KAZN: variants seen among roughly 807,000 people sequenced by gnomAD.
The protein encoded by KAZN is kazrin, periplakin interacting protein, also known as kazrin.
In KAZN, 40 loss-of-function variants were observed where a neutral mutation model predicts 87.4. The ratio of observed to expected loss-of-function variants is 0.46; its 90% CI spans 0.36 to 0.60. The LOEUF is 0.60. KAZN is among the 20% of genes least tolerant of loss of function. The pLI is 0.00. For synonymous variants in KAZN, 466 were observed against 458.3 expected (o/e 1.02, Z -0.22); for missense variants, 898 against 1,073.9 (o/e 0.84, Z 2.29).
Position 14,195,353 on chromosome 1 carries a change from G to A in KAZN, c.249+14761G>A, listed in dbSNP as rs115827150. ...CTCCGATACCTCCTCTTCATTCTGC[G>A]TTGCTGATAGCTTTTTCTCTATGTC... On this transcript the variant is annotated intron_variant, in intron 2 of 16. Transcript: ENST00000636203. Among the ~76,000 whole-genome samples, 468 of 152,002 alleles carry A rather than the reference G, an allele frequency of 3.1e-3. 3 individuals are homozygous for A. The highest frequency in any genetic ancestry group is 0.011 in the African/African-American group (440 of 41,446).
At chr1:14,606,745 A>C (rs369272557) in intron 1 of KAZN, among the ~76,000 whole-genome samples, 27 of 152,250 alleles carry the variant, frequency 1.8e-4, no homozygotes, top group Admixed American at 3.9e-4. Context: ...TGACATGTGG[A>C]GCAGATAATT....
In KAZN at chr1:14,051,147, C is replaced by T. The variant is rs527438775; in HGVS notation, c.92-129288C>T. Among the ~76,000 whole-genome samples, 3 of 152,234 alleles carry T rather than the reference C, an allele frequency of 2.0e-5. No individual in the cohort carries two copies. The South Asian group carries it at 6.2e-4, about 32-fold the overall frequency. On this transcript the variant is annotated intron_variant, in intron 1 of 16. Transcript: ENST00000636203. ...AAAATTTCTAAGGGGAGGCATCAAG[C>T]GTCATAGAATTCTTGCTGAACTGAC...
At chr1:14,050,173 T>C (rs56234446) in intron 1 of KAZN, among the ~76,000 whole-genome samples, 23,655 of 151,124 alleles carry the variant, frequency 0.16, 2,172 homozygotes, top group Non-Finnish European at 0.22. Flanking sequence ...TGTGTGGGTG[T>C]GTGCGCACAT....
chr1:14,919,392 G>T (rs1480943281), intron 1 of KAZN, among the ~76,000 whole-genome samples: 1 of 152,206 alleles, frequency 6.6e-6, no homozygotes, highest in Non-Finnish European at 1.5e-5. Flanking sequence ...GGCCAGGCTG[G>T]TCTCGAACGC....
At position 13,970,479 on chromosome 1, in the gene KAZN, T is replaced by C. The variant is rs199794001; in HGVS notation, c.91+76723T>C. Among the ~76,000 whole-genome samples, 3 of 151,996 alleles carry C rather than the reference T, an allele frequency of 2.0e-5. No homozygotes were observed. The East Asian group carries it at 5.8e-4, about 29-fold the overall frequency. On this transcript the variant is annotated intron_variant, in intron 1 of 16. Coordinates refer to the KAZN transcript ENST00000636203. ...ATCATGCAGCCTGGCCATGGAAGAG[T>C]TGGAGTTTGAACCCTGAGGGTCTGA...
intron 1 of KAZN, among the ~76,000 whole-genome samples, chr1:14,756,145 A>T (rs958715622): frequency 6.6e-6 from 1 of 152,186 alleles, no homozygotes; most frequent in African/African-American, 2.4e-5. Context: ...GGTGTGGCTC[A>T]GTGATAGAAA....
chr1:14,791,336 A>G (rs1161125051), intron 1 of KAZN, among the ~76,000 whole-genome samples: 1 of 152,228 alleles, frequency 6.6e-6, no homozygotes, highest in East Asian at 1.9e-4. Context: ...CCTGCACACG[A>G]GAAACCTCTC....
intron 1 of KAZN, among the ~76,000 whole-genome samples, chr1:14,617,443 G>A (rs1261224774): frequency 1.3e-5 from 2 of 152,178 alleles, no homozygotes; most frequent in East Asian, 1.9e-4. Flanking sequence ...TGGGAAATTG[G>A]CGTTGATAGA....
chr1:15,109,845 ATGTTTATGTGCG>A (rs1557805651), intron 13 of KAZN, among the ~76,000 whole-genome samples: 1 of 146,912 alleles, frequency 6.8e-6, no homozygotes, highest in Non-Finnish European at 1.5e-5. Context: ...GTGTTTGTGT[ATGTTTATGTGCG>A]TGTATATATG....
At chr1:14,595,215 TG>T (rs1049792255), upstream of KAZN, among the ~76,000 whole-genome samples, 32 of 151,894 alleles carry the variant, frequency 2.1e-4, no homozygotes, top group Admixed American at 7.9e-4. Flanking sequence ...AGTTACCTTA[TG>T]GGGGGGCAGC....
chr1:14,437,349 A>T (rs1666453198), intron 2 of KAZN, among the ~76,000 whole-genome samples: 2 of 152,216 alleles, frequency 1.3e-5, no homozygotes, highest in Admixed American at 6.5e-5. Context: ...ACAGTCGATG[A>T]AACGCGCATG....
chr1:14,832,664 C>T (rs893056879), intron 1 of KAZN, among the ~76,000 whole-genome samples: 4 of 152,170 alleles, frequency 2.6e-5, no homozygotes, highest in South Asian at 4.1e-4. Flanking sequence ...AAATTCGTAT[C>T]GGGCTGCATT....
chr1:14,168,855 A>G (rs1383314444), intron 1 of KAZN, among the ~76,000 whole-genome samples: 1 of 152,144 alleles, frequency 6.6e-6, no homozygotes, highest in Non-Finnish European at 1.5e-5. Context: ...GTGACAAGGA[A>G]ATGCAATGAT....
chr1:14,622,697 A>G (rs1678810500), intron 1 of KAZN, among the ~76,000 whole-genome samples: 1 of 151,900 alleles, frequency 6.6e-6, no homozygotes, highest in Admixed American at 6.6e-5. Context: ...CTCAAAAAAA[A>G]AAAAAAAATT....
intron 2 of KAZN, among the ~76,000 whole-genome samples, chr1:14,180,996 C>A (rs1420426555): frequency 6.6e-6 from 1 of 152,134 alleles, no homozygotes; most frequent in South Asian, 2.1e-4. Context: ...CTCCTCCCGC[C>A]CCGCCCCAGT....
At chr1:14,490,209 T>C (rs1049941372) in intron 2 of KAZN, among the ~76,000 whole-genome samples, 30 of 152,348 alleles carry the variant, frequency 2.0e-4, no homozygotes, top group African/African-American at 7.2e-4. Context: ...ACCCTTTTGT[T>C]CTACTAATGG....
intron 1 of KAZN, among the ~76,000 whole-genome samples, chr1:14,761,435 A>C (rs1644735816): frequency 6.6e-6 from 1 of 152,156 alleles, no homozygotes; most frequent in Non-Finnish European, 1.5e-5. Flanking sequence ...ACAAGCTTCA[A>C]CACTGATTCA....
At chr1:13,960,261 C>T (rs1641700424) in intron 1 of KAZN, among the ~76,000 whole-genome samples, 1 of 152,226 alleles carries the variant, frequency 6.6e-6, no homozygotes, top group African/African-American at 2.4e-5. Flanking sequence ...AAGGACGGCA[C>T]TATCATTATC....
At chr1:14,297,959 A>T (rs1320199028) in intron 2 of KAZN, among the ~76,000 whole-genome samples, 1 of 152,154 alleles carries the variant, frequency 6.6e-6, no homozygotes, top group Non-Finnish European at 1.5e-5. Flanking sequence ...TGGGCGCGGT[A>T]TCACGCCTCT....
Sources: allele counts gnomAD v4.1 joint callset (sites outside exome capture counted in the v4.1 genomes callset), GRCh38; gene constraint gnomAD v4.1.1; transcripts MANE v1.5; gene names NCBI Gene and HGNC (gene_info 2026-07-23, HGNC 2026-07-21).